ZNF385B: variants seen among roughly 807,000 people sequenced by gnomAD.
The protein encoded by ZNF385B is zinc finger protein 533.
Under a neutral mutation model 39.2 loss-of-function variants are expected in ZNF385B, and 23 were observed. The observed-to-expected ratio is 0.59, with a 90% CI of 0.42 to 0.83. The LOEUF is 0.83. ZNF385B is among the 40% of genes least tolerant of loss of function. The pLI is 0.00. For synonymous variants in ZNF385B, 205 were observed against 222.6 expected (o/e 0.92, Z 0.70); for missense variants, 552 against 598.9 (o/e 0.92, Z 0.82).
At chr2:179,688,514 C>CAAA (rs1553508722) in intron 3 of ZNF385B, among the ~76,000 whole-genome samples, 1 of 151,422 alleles carries the variant, frequency 6.6e-6, no homozygotes, top group South Asian at 2.1e-4. Context: ...ACAACAACAA[C>CAAA]AACAAAAACA....
At chr2:179,710,386 G>A (rs184533501) in intron 3 of ZNF385B, among the ~76,000 whole-genome samples, 12 of 152,190 alleles carry the variant, frequency 7.9e-5, no homozygotes, top group Middle Eastern at 3.4e-3. Context: ...TTCCCCAATC[G>A]TATGGTACTT....
intron 1 of ZNF385B, among the ~76,000 whole-genome samples, chr2:179,807,893 TGAAAGAAAGAAAGAAAGAAAGAAA>T (rs139866166): frequency 4.9e-5 from 6 of 123,540 alleles, no homozygotes; most frequent in Non-Finnish European, 3.3e-5. Flanking sequence ...AGACTCCGTC[TGAAAGAAAGAAAGAAAGAAAGAAA>T]GAAAGAAAGA....
In ZNF385B at chr2:179,621,449, G is replaced by T. The variant is rs115359941; in HGVS notation, c.299-76480C>A. 8.7e-3 allele frequency among the ~76,000 whole-genome samples: 1,322 copies of T among 152,310 alleles called. 14 individuals carry two copies. Among genetic ancestry groups the T allele is most frequent in the African/African-American group, 0.03 (1,240 of 41,566 alleles). ...AAAGCTAATAAATGTTAACAACAAAGTATTTGGGAAGAGGGAGCCGTGATT... is the reference window on the plus strand; with the variant it reads ...AAAGCTAATAAATGTTAACAACAAATTATTTGGGAAGAGGGAGCCGTGATT... On this transcript the variant is annotated intron_variant, in intron 3 of 9. Coordinates refer to ENST00000410066, the MANE Select transcript of ZNF385B (RefSeq NM_152520.6).
At chr2:179,774,747 G>T (rs543388398) in intron 1 of ZNF385B, among the ~76,000 whole-genome samples, 1 of 152,312 alleles carries the variant, frequency 6.6e-6, no homozygotes, top group South Asian at 2.1e-4. Context: ...ATAACGGTGT[G>T]CTCCCCAAGG....
intron 5 of ZNF385B, among the ~76,000 whole-genome samples, chr2:179,492,093 A>C (rs938463902): frequency 3.3e-5 from 5 of 152,236 alleles, no homozygotes; most frequent in African/African-American, 1.2e-4. Flanking sequence ...TTAAAAATAG[A>C]AATTGCCCAT....
chr2:179,529,567 T>C (rs2059131866), intron 4 of ZNF385B, among the ~76,000 whole-genome samples: 1 of 152,066 alleles, frequency 6.6e-6, no homozygotes, highest in East Asian at 1.9e-4. Flanking sequence ...ATGAGAAAAT[T>C]ATAGGTGTTT....
intron 3 of ZNF385B, among the ~76,000 whole-genome samples, chr2:179,765,883 T>A (rs1471226149): frequency 6.6e-6 from 1 of 152,172 alleles, no homozygotes; most frequent in African/African-American, 2.4e-5. Flanking sequence ...ATATGCAAAC[T>A]AAGTTACCTC....
chr2:179,631,719 A>C (rs1316311256), intron 3 of ZNF385B, among the ~76,000 whole-genome samples: 1 of 152,216 alleles, frequency 6.6e-6, no homozygotes, highest in Non-Finnish European at 1.5e-5. Flanking sequence ...TAAAAAACAG[A>C]CTGGCAAATT....
intron 3 of ZNF385B, among the ~76,000 whole-genome samples, chr2:179,651,533 T>C (rs1693193069): frequency 6.6e-6 from 1 of 151,306 alleles, no homozygotes; most frequent in African/African-American, 2.5e-5. Flanking sequence ...ACCAACATAC[T>C]ATATAAAAAT....
chr2:179,706,285 TTGCA>T (rs1699591719), intron 3 of ZNF385B, among the ~76,000 whole-genome samples: 1 of 152,140 alleles, frequency 6.6e-6, no homozygotes, highest in South Asian at 2.1e-4. Context: ...CCATATAAAC[TTGCA>T]TGTTTTTTAC....
intron 3 of ZNF385B, among the ~76,000 whole-genome samples, chr2:179,645,494 A>C (rs1267209610): frequency 6.6e-6 from 1 of 152,210 alleles, no homozygotes; most frequent in African/African-American, 2.4e-5. Flanking sequence ...GCAATATATT[A>C]TGGGTTTCAT....
chr2:179,598,920 G>A (rs537459837), intron 3 of ZNF385B, among the ~76,000 whole-genome samples: 4 of 152,064 alleles, frequency 2.6e-5, no homozygotes, highest in Admixed American at 6.6e-5. Context: ...TAAATTAGTG[G>A]GACACCTTGC....
intron 5 of ZNF385B, among the ~76,000 whole-genome samples, chr2:179,517,536 A>G (rs927951846): frequency 5.3e-5 from 8 of 152,032 alleles, no homozygotes; most frequent in African/African-American, 1.9e-4. Flanking sequence ...ATTTTTTATT[A>G]TGCTTCCTAT....
rs1205673627 is a variant in ZNF385B at position 179,757,206 on chromosome 2, G to C, written c.298+12297C>G. Among the ~76,000 whole-genome samples, 4 of 152,218 alleles carry C rather than the reference G, an allele frequency of 2.6e-5. No homozygotes were observed. The South Asian group carries it at 6.2e-4, about 24-fold the overall frequency. The stretch of plus-strand genomic sequence containing the variant: ...AGTCAGGACCCTCAGCTGCAGGTCT[G>C]TTGGAGTTTGCTGGAGGTCCACTCC... On this transcript the variant is annotated intron_variant, in intron 3 of 9. Transcript: ENST00000410066.
At chr2:179,820,962 T>C (rs1024942781) in intron 1 of ZNF385B, among the ~76,000 whole-genome samples, 4 of 152,186 alleles carry the variant, frequency 2.6e-5, no homozygotes, top group African/African-American at 9.6e-5. Context: ...ATTCCTATTC[T>C]AGAAATAATG....
intron 1 of ZNF385B, among the ~76,000 whole-genome samples, chr2:179,774,509 C>T (rs1394078967): frequency 1.3e-5 from 2 of 152,028 alleles, no homozygotes; most frequent in Admixed American, 6.6e-5. Context: ...TACAGGGGCA[C>T]ACCACCACGC....
At chr2:179,837,131 TG>T (rs1235814724) in intron 1 of ZNF385B, among the ~76,000 whole-genome samples, 2 of 152,158 alleles carry the variant, frequency 1.3e-5, no homozygotes, top group African/African-American at 4.8e-5. Flanking sequence ...AAACTGAGAT[TG>T]ACAATAAAAT....
At chr2:179,686,426 C>T (rs183109821) in intron 3 of ZNF385B, among the ~76,000 whole-genome samples, 21 of 152,194 alleles carry the variant, frequency 1.4e-4, no homozygotes, top group African/African-American at 5.1e-4. Context: ...TGAAAAGAGA[C>T]GTTAGCCTGG....
intron 3 of ZNF385B, among the ~76,000 whole-genome samples, chr2:179,590,357 G>A (rs1298619545): frequency 6.6e-6 from 1 of 152,138 alleles, no homozygotes; most frequent in East Asian, 1.9e-4. Context: ...TATACATGGG[G>A]TTTAAGCCCA....
Sources: gnomAD v4.1 joint callset for allele counts (sites outside exome capture counted in the v4.1 genomes callset) on GRCh38, gnomAD v4.1.1 for gene constraint, MANE v1.5 for transcripts, NCBI Gene and HGNC (gene_info 2026-07-23, HGNC 2026-07-21) for gene names.